The following GLIPR1L2 variants were observed in gnomAD, a reference collection of about 807,000 sequenced individuals.
GLIPR1L2 encodes GLIPR1 like 2, also known as GLIPR1-like protein 2.
In GLIPR1L2, 21 loss-of-function variants were observed where a neutral mutation model predicts 28.4. That is an observed-to-expected ratio of 0.74 (90% CI 0.52 to 1.06). The LOEUF is 1.06. Among genes scored for constraint, GLIPR1L2 ranks in the 50% least tolerant of loss-of-function variants. GLIPR1L2 has a pLI of 0.00. For missense variants in GLIPR1L2, 476 were observed against 416.9 expected, an observed-to-expected ratio of 1.14 and a Z score of -1.23; for synonymous variants, 145 against 139.3, an observed-to-expected ratio of 1.04 and a Z score of -0.29.
Position 75,391,195 on chromosome 12 carries a change from C to A in GLIPR1L2, c.79C>A (p.Arg27=), listed in dbSNP as rs769121895. Residue 27 remains arginine, a synonymous_variant, in exon 1 of 6, where the codon CGG becomes AGG. Transcript: ENST00000550916. The part of the protein sequence containing the change: ...PLAVGGVLKL[R]LCELWLLLLG... ...GGCAGTAGGGGGCGTTTTGAAGCTG[C>A]GGCTCTGTGAGCTGTGGCTACTGCT... is the stretch of plus-strand genomic sequence containing the variant. The A allele has an allele frequency of 6.2e-7, 1 of 1,614,202 alleles. No individual in the cohort carries two copies.
intron 3 of GLIPR1L2, among the ~76,000 whole-genome samples, chr12:75,420,131 G>A (rs17114964): frequency 0.32 from 48,864 of 152,032 alleles, 8,666 homozygotes; most frequent in East Asian, 0.46. Flanking sequence ...GTATGAGATG[G>A]AAAAATCGAC....
intron 1 of GLIPR1L2, among the ~76,000 whole-genome samples, chr12:75,405,996 GTTT>G (rs35050395): frequency 7.3e-6 from 1 of 137,484 alleles, no homozygotes. Flanking sequence ...ATTGTCAAAA[GTTT>G]TTTTTTTTTT....
chr12:75,398,348 A>AG (rs1464305984), intron 1 of GLIPR1L2, among the ~76,000 whole-genome samples: 4 of 146,032 alleles, frequency 2.7e-5, no homozygotes, highest in African/African-American at 9.9e-5. Context: ...AAAAAAAAAA[A>AG]AAACTTTTAT....
chr12:75,404,183 A>G (rs1211849181), intron 1 of GLIPR1L2, among the ~76,000 whole-genome samples: 6 of 152,166 alleles, frequency 3.9e-5, no homozygotes, highest in East Asian at 3.8e-4. Context: ...AGAATGGACT[A>G]TAAGATCTCT....
At chr12:75,401,660 A>C (rs1489471370) in intron 1 of GLIPR1L2, among the ~76,000 whole-genome samples, 1 of 152,090 alleles carries the variant, frequency 6.6e-6, no homozygotes, top group Non-Finnish European at 1.5e-5. Context: ...TAGAAATTTT[A>C]CACGCTAAAT....
At chr12:75,423,303 TA>T in intron 4 of GLIPR1L2, 1 of 1,163,762 alleles carries the variant, frequency 8.6e-7, no homozygotes, top group Non-Finnish European at 1.1e-6. Flanking sequence ...TGTTTGATAA[TA>T]ACTGCTTTAA....
intron 4 of GLIPR1L2, 23 bp downstream of exon 4, chr12:75,423,012 GA>G (rs769479789): frequency 8.7e-6 from 14 of 1,605,892 alleles, no homozygotes; most frequent in Admixed American, 6.8e-5. Context: ...AAATAAACAT[GA>G]AAAAAATGCA....
In GLIPR1L2 at chr12:75,418,434, A is replaced by T. The variant is rs566488839; in HGVS notation, c.585-4470A>T. Among the ~76,000 whole-genome samples the T allele has an allele frequency of 1.2e-4, 18 of 152,348 alleles. No homozygotes were observed. In the South Asian group the frequency reaches 3.7e-3, roughly 32 times the overall value. On this transcript the variant is annotated intron_variant, in intron 3 of 5. Transcript: ENST00000550916. ...ATCAGAACATTAAAGTCCAGAAACT[A>T]TAAAGGAACACATGTATGAATCTGA...
intron 3 of GLIPR1L2, 55 bp downstream of exon 3, chr12:75,413,756 G>T: frequency 3.6e-6 from 3 of 823,050 alleles, no homozygotes; most frequent in South Asian, 4.4e-5. Context: ...TTCAAGGTGA[G>T]TTTTTCTAAC....
At chr12:75,391,373 C>T (rs541070838) in intron 1 of GLIPR1L2, 23 bp downstream of exon 1, 2 of 1,609,040 alleles carry the variant, frequency 1.2e-6, no homozygotes, top group East Asian at 4.5e-5. Flanking sequence ...GGCGGTTTGC[C>T]GACCCTTCCA....
chr12:75,422,991 T>A lies in GLIPR1L2; in HGVS notation c.670+2T>A. On this transcript the variant is annotated splice_donor_variant, in intron 4 of 5. Transcript: ENST00000550916. LOFTEE classifies it high-confidence loss of function. ...ACAAATGCACAGATTTTCTATGCAGTAAGATAAAGAAAATAAACATGAAAA... is the reference window on the plus strand; with the variant it reads ...ACAAATGCACAGATTTTCTATGCAGAAAGATAAAGAAAATAAACATGAAAA... 1 of 1,611,894 alleles carries A rather than the reference T, an allele frequency of 6.2e-7. No homozygotes were observed. Among genetic ancestry groups the A allele is most frequent in the South Asian group, 1.1e-5 (1 of 90,646 alleles).
intron 4 of GLIPR1L2, among the ~76,000 whole-genome samples, chr12:75,427,917 C>T (rs1412062190): frequency 6.6e-6 from 1 of 152,192 alleles, no homozygotes; most frequent in Non-Finnish European, 1.5e-5. Context: ...GTCAATTAAA[C>T]CTCCTTTCTT....
intron 1 of GLIPR1L2, among the ~76,000 whole-genome samples, chr12:75,404,448 T>C (rs2045775186): frequency 6.6e-6 from 1 of 152,282 alleles, no homozygotes; most frequent in Non-Finnish European, 1.5e-5. Flanking sequence ...TTTAGTAATG[T>C]TGGTTTAATA....
At chr12:75,417,988 A>G (rs1594022676) in intron 3 of GLIPR1L2, among the ~76,000 whole-genome samples, 2 of 152,280 alleles carry the variant, frequency 1.3e-5, no homozygotes, top group South Asian at 4.1e-4. Context: ...AGGAAAATAT[A>G]TAGAGTGGAG....
chr12:75,422,305 C>CTTTT (rs34747987), intron 3 of GLIPR1L2, among the ~76,000 whole-genome samples: 1 of 129,318 alleles, frequency 7.7e-6, no homozygotes, highest in African/African-American at 2.9e-5. Flanking sequence ...CTACATCATT[C>CTTTT]TTTTTTTTTT....
intron 4 of GLIPR1L2, 48 bp downstream of exon 4, chr12:75,423,037 A>G: frequency 1.2e-6 from 2 of 1,606,248 alleles, no homozygotes; most frequent in Non-Finnish European, 1.7e-6. Flanking sequence ...TGGATTGGAC[A>G]AGAAAAATAA....
At chr12:75,416,307 A>G (rs181762021) in intron 3 of GLIPR1L2, among the ~76,000 whole-genome samples, 32 of 152,276 alleles carry the variant, frequency 2.1e-4, no homozygotes, top group African/African-American at 6.7e-4. Flanking sequence ...GCAGATAGCC[A>G]TATGAAAGTA....
chr12:75,428,327 C>G (rs569641348), intron 4 of GLIPR1L2, among the ~76,000 whole-genome samples: 3 of 152,196 alleles, frequency 2.0e-5, no homozygotes, highest in South Asian at 4.1e-4. Context: ...GAGCTTGAGA[C>G]AGATGATTTA....
At chr12:75,405,740 A>G (rs190477544) in intron 1 of GLIPR1L2, among the ~76,000 whole-genome samples, 220 of 152,134 alleles carry the variant, frequency 1.4e-3, no homozygotes, top group African/African-American at 4.9e-3. Context: ...CATGTCCCTC[A>G]CTCTTTCGGC....
Sources: allele counts gnomAD v4.1 joint callset (sites outside exome capture counted in the v4.1 genomes callset), GRCh38; gene constraint gnomAD v4.1.1; transcripts MANE v1.5; gene names NCBI Gene and HGNC (gene_info 2026-07-23, HGNC 2026-07-21).